Variants in BPIFC observed in about 807,000 individuals in gnomAD.
The protein encoded by BPIFC is BPI fold-containing family C protein.
Under a neutral mutation model 57.6 loss-of-function variants are expected in BPIFC, and 60 were observed. The observed-to-expected ratio is 1.04, with a 90% CI of 0.85 to 1.29. The LOEUF is 1.29. Among genes scored for constraint, BPIFC ranks in the 50% most tolerant of loss-of-function variants. BPIFC has a pLI of 0.00. For synonymous variants in BPIFC, 243 were observed against 224.5 expected, an observed-to-expected ratio of 1.08 and a Z score of -0.74; for missense variants, 581 against 600.5, an observed-to-expected ratio of 0.97 and a Z score of 0.34.
chr22:32,450,517 T>G (rs1319325204), intron 4 of BPIFC, among the ~76,000 whole-genome samples: 1 of 152,222 alleles, frequency 6.6e-6, no homozygotes, highest in Non-Finnish European at 1.5e-5. Flanking sequence ...ATTAATTTTC[T>G]TAATATATTT....
intron 3 of BPIFC, among the ~76,000 whole-genome samples, chr22:32,456,958 C>T (rs1388631277): frequency 2.6e-5 from 4 of 152,180 alleles, no homozygotes; most frequent in African/African-American, 9.7e-5. Context: ...TTCAAATTTC[C>T]TTTCCTGTAT....
chr22:32,460,961 T>C (rs1012320125), intron 2 of BPIFC, among the ~76,000 whole-genome samples: 5 of 152,210 alleles, frequency 3.3e-5, no homozygotes, highest in African/African-American at 9.7e-5. Flanking sequence ...ATCCCTTACC[T>C]TACTCTATCA....
Position 32,445,711 on chromosome 22 carries a change from A to G in BPIFC, c.531-13T>C. ...GTTATACAGAACACTGAGGAAAAAAATGAAAAAAAAAAAAAAAAAAAAAAG... is the reference window on the plus strand; with the variant it reads ...GTTATACAGAACACTGAGGAAAAAAGTGAAAAAAAAAAAAAAAAAAAAAAG... On this transcript the variant is annotated splice_polypyrimidine_tract_variant and intron_variant, in intron 6 of 16. Coordinates refer to ENST00000300399, the MANE Select transcript of BPIFC (RefSeq NM_174932.3). 3.7e-6 allele frequency: 4 copies of G among 1,068,326 alleles called. No homozygotes were observed. In the South Asian group the frequency reaches 5.5e-5, roughly 15 times the overall value. 66.2% of individuals were successfully genotyped at this position (1,068,326 alleles called of 1,614,324 possible).
intron 4 of BPIFC, among the ~76,000 whole-genome samples, chr22:32,452,393 T>C (rs1934919033): frequency 6.6e-6 from 1 of 152,132 alleles, no homozygotes; most frequent in Non-Finnish European, 1.5e-5. Context: ...TCCCAGCACT[T>C]TGGGAGGCCA....
Position 32,419,494 on chromosome 22 carries a change from A to G in BPIFC, c.1218-90T>C. ...AAGTAAAAGGATATTTTCAGTTCAA[A>G]AGTCACTATTTAAAAAAAAACACAC... On this transcript the variant is annotated intron_variant, in intron 13 of 16. Coordinates refer to ENST00000300399, the MANE Select transcript of BPIFC (RefSeq NM_174932.3). 3 of 1,290,312 alleles carry G rather than the reference A, an allele frequency of 2.3e-6. No homozygotes were observed. The Admixed American group carries it at 5.9e-5, about 25-fold the overall frequency. The allele number at this position is 1,290,312 out of a possible 1,614,324, so 79.9% of individuals were successfully genotyped here.
intron 7 of BPIFC, 81 bp from the exon 8 acceptor site, chr22:32,442,812 A>G (rs1421838400): frequency 3.8e-6 from 5 of 1,311,476 alleles, no homozygotes; most frequent in Non-Finnish European, 5.4e-6. Flanking sequence ...AGACCCTGCA[A>G]ACAAAGGCCT....
At chr22:32,435,926 A>C in intron 9 of BPIFC, 46 bp from the exon 10 acceptor site, 1 of 1,561,128 alleles carries the variant, frequency 6.4e-7, no homozygotes, top group Non-Finnish European at 8.7e-7. Context: ...GTGAAAACTC[A>C]AATTCTAAGA....
At chr22:32,428,250 C>CGTGTGT (rs34028436) in intron 13 of BPIFC, among the ~76,000 whole-genome samples, 2 of 143,266 alleles carry the variant, frequency 1.4e-5, no homozygotes, top group South Asian at 2.2e-4. Flanking sequence ...TACATTAAAA[C>CGTGTGT]GTGTGTGTGT....
intron 2 of BPIFC, among the ~76,000 whole-genome samples, chr22:32,460,387 C>A (rs151038507): frequency 9.9e-5 from 15 of 152,276 alleles, no homozygotes; most frequent in Admixed American, 2.0e-4. Context: ...ACACAGGGGG[C>A]CTGTGCTCAG....
intron 13 of BPIFC, among the ~76,000 whole-genome samples, chr22:32,426,865 C>G (rs1301772342): frequency 6.6e-6 from 1 of 151,048 alleles, no homozygotes; most frequent in Non-Finnish European, 1.5e-5. Flanking sequence ...GCACTCCAGC[C>G]CTGGCAACAG....
intron 4 of BPIFC, among the ~76,000 whole-genome samples, chr22:32,452,433 G>A (rs888167148): frequency 2.6e-5 from 4 of 151,904 alleles, no homozygotes; most frequent in Admixed American, 1.3e-4. Flanking sequence ...TCAGGAGATC[G>A]AGACCATCCT....
chr22:32,424,088 T>C (rs759321197), intron 13 of BPIFC, among the ~76,000 whole-genome samples: 19 of 152,198 alleles, frequency 1.2e-4, no homozygotes, highest in Middle Eastern at 3.4e-3. Context: ...GATCAATGAC[T>C]ATATGCTGAC....
rs1569448203 is a variant in BPIFC at position 32,424,729 on chromosome 22, CTCTTCTTCTTCCTCTTCTTCTTCCTCT to C, written c.1218-5352_1218-5326del. 9.1e-3 allele frequency among the ~76,000 whole-genome samples: 434 copies of C among 47,692 alleles called. 8 individuals are homozygous for C. Among genetic ancestry groups the C allele is most frequent in the East Asian group, 0.014 (18 of 1,286 alleles). The allele number at this position is 47,692 out of a possible 152,430, so 31.3% of individuals were successfully genotyped here. On this transcript the variant is annotated intron_variant, in intron 13 of 16. Coordinates refer to ENST00000300399, the MANE Select transcript of BPIFC (RefSeq NM_174932.3). The stretch of plus-strand genomic sequence containing the variant: ...CCTCTTCTTCTTCCTCTTCTTCTTC[CTCTTCTTCTTCCTCTTCTTCTTCCTCT>C]TCTTCTTCTTCTTCTTCTTCTTCTT...
chr22:32,464,130 A>G (rs1935212989), intron 1 of BPIFC, among the ~76,000 whole-genome samples: 2 of 152,162 alleles, frequency 1.3e-5, no homozygotes, highest in Admixed American at 6.5e-5. Context: ...GGTGGTTTAA[A>G]CCAACTCTTT....
chr22:32,422,703 G>A (rs192200063), intron 13 of BPIFC, among the ~76,000 whole-genome samples: 9 of 151,516 alleles, frequency 5.9e-5, no homozygotes, highest in African/African-American at 9.7e-5. Flanking sequence ...GCAAGACTAC[G>A]TTTTGAAAAA....
intron 3 of BPIFC, among the ~76,000 whole-genome samples, chr22:32,454,037 G>C (rs932026465): frequency 6.6e-6 from 1 of 152,200 alleles, no homozygotes; most frequent in Non-Finnish European, 1.5e-5. Flanking sequence ...CTTAGGTCCT[G>C]GAGGTCGAGG....
At chr22:32,455,050 C>CTTTTTTTTT (rs1392514246) in intron 3 of BPIFC, among the ~76,000 whole-genome samples, 3 of 134,146 alleles carry the variant, frequency 2.2e-5, no homozygotes, top group African/African-American at 2.8e-5. Context: ...TTTTCATCTC[C>CTTTTTTTTT]ATTTTTTTTT....
chr22:32,442,746 A>C lies in BPIFC; in HGVS notation c.595-15T>G, dbSNP rs1289861113. On this transcript the variant is annotated splice_polypyrimidine_tract_variant and intron_variant, in intron 7 of 16. Transcript: ENST00000300399. ...ATGGGACAGAGCTGGCCACAAAGGA[A>C]TAAAAAGAAAAAAGCAAGTTACCAT... The C allele has an allele frequency of 3.1e-6, 5 of 1,612,228 alleles. No individual in the cohort carries two copies. The highest frequency in any genetic ancestry group is 4.2e-6 in the Non-Finnish European group (5 of 1,179,066).
chr22:32,435,629 A>G, intron 10 of BPIFC, 75 bp downstream of exon 10: 1 of 1,470,084 alleles, frequency 6.8e-7, no homozygotes, highest in Non-Finnish European at 9.2e-7. Context: ...TTGTGGCATA[A>G]AAGTTCTACA....
Sources: gnomAD v4.1 joint callset for allele counts (sites outside exome capture counted in the v4.1 genomes callset) on GRCh38, gnomAD v4.1.1 for gene constraint, MANE v1.5 for transcripts, NCBI Gene and HGNC (gene_info 2026-07-23, HGNC 2026-07-21) for gene names.